PPARGC1B: variants seen among roughly 807,000 people sequenced by gnomAD.
The protein encoded by PPARGC1B is PPARG coactivator 1 beta, also known as peroxisome proliferator-activated receptor gamma coactivator 1-beta.
PPARGC1B carries 34 observed loss-of-function variants against 101.6 expected under a neutral mutation model. The observed-to-expected ratio is 0.33, with a 90% CI of 0.25 to 0.45. The LOEUF (loss-of-function observed/expected upper bound fraction) is 0.45. Among genes scored for constraint, PPARGC1B ranks in the 20% least tolerant of loss-of-function variants. The pLI is 1.00. For missense variants in PPARGC1B, 1,234 were observed against 1,317.6 expected (o/e 0.94, Z 0.98); for synonymous variants, 548 against 539.3 (o/e 1.02, Z -0.22).
Position 149,730,448 on chromosome 5 carries a change from G to T in PPARGC1B, c.78+28G>T. On this transcript the variant is annotated intron_variant, in intron 1 of 11. Transcript: ENST00000309241. This position sits in a 1 kb window ranked among gnomAD's most constrained non-coding sequence, Gnocchi z 4.0. ...ACGGCCGGCTGGGGCTGCGGGCCCG[G>T]GGCCAGGGGTGCTGAGCTGCGGGGG... 1 of 1,517,460 alleles carries T rather than the reference G, an allele frequency of 6.6e-7. No individual in the cohort carries two copies. The highest frequency in any genetic ancestry group is 1.2e-5 in the South Asian group (1 of 80,658). The allele number at this position is 1,517,460 out of a possible 1,614,324, so 94.0% of individuals were successfully genotyped here. A position where few individuals can be genotyped will look rare whatever the true frequency, so the allele number is the denominator to read the frequency against.
Position 149,837,651 on chromosome 5 carries a change from G to A in PPARGC1B, c.2618+578G>A, listed in dbSNP as rs565995847. ...TGATGCCTCATGAGCCCGCTTGCTCGTATCATCCTCGCTCGCTGAACCAGA... is the reference window on the plus strand; with the variant it reads ...TGATGCCTCATGAGCCCGCTTGCTCATATCATCCTCGCTCGCTGAACCAGA... On this transcript the variant is annotated intron_variant, in intron 8 of 11. Transcript: ENST00000309241. The surrounding 1 kb of genome is among the most constrained non-coding windows in gnomAD (Gnocchi z 4.2). Among the ~76,000 whole-genome samples the A allele has an allele frequency of 1.6e-4, 24 of 152,332 alleles. No individual in the cohort carries two copies. In the East Asian group the frequency reaches 1.9e-3, roughly 12 times the overall value.
chr5:149,812,617 C>T (rs952690787), intron 1 of PPARGC1B, among the ~76,000 whole-genome samples: 1 of 152,236 alleles, frequency 6.6e-6, no homozygotes, highest in African/African-American at 2.4e-5. Context: ...GAATCTATCT[C>T]TGTCTGTTTC....
chr5:149,846,424 A>T (rs954122275), intron 11 of PPARGC1B: 37 of 167,600 alleles, frequency 2.2e-4, no homozygotes, highest in African/African-American at 7.6e-4. Flanking sequence ...ACTTGAGCCC[A>T]GGAGTTCGAG....
chr5:149,748,821 A>G (rs1044858310), intron 1 of PPARGC1B, among the ~76,000 whole-genome samples: 1 of 152,232 alleles, frequency 6.6e-6, no homozygotes, highest in Admixed American at 6.5e-5. Flanking sequence ...AATGTCTGGA[A>G]GAATCCAAAG....
At chr5:149,777,897 C>T (rs111566814) in intron 1 of PPARGC1B, among the ~76,000 whole-genome samples, 1 of 95,714 alleles carries the variant, frequency 1.0e-5, no homozygotes, top group Non-Finnish European at 1.9e-5. Context: ...ACACAGAGTA[C>T]CCGGCTGCTC....
At chr5:149,793,162 C>A (rs1757085433) in intron 1 of PPARGC1B, among the ~76,000 whole-genome samples, 2 of 151,992 alleles carry the variant, frequency 1.3e-5, no homozygotes, top group South Asian at 4.1e-4. Flanking sequence ...GTGGACTTTC[C>A]CTCACACAGT....
chr5:149,736,318 AC>A, intron 1 of PPARGC1B, among the ~76,000 whole-genome samples: 1 of 152,202 alleles, frequency 6.6e-6, no homozygotes, highest in Admixed American at 6.5e-5. Flanking sequence ...TCTTTGAAGC[AC>A]TTTAGAAGGA....
intron 1 of PPARGC1B, among the ~76,000 whole-genome samples, chr5:149,766,300 CAG>C (rs772393083): frequency 6.2e-4 from 94 of 152,316 alleles, no homozygotes; most frequent in Admixed American, 7.8e-4. Context: ...GGATTAAAAA[CAG>C]AGTACCAGAC....
chr5:149,829,535 A>G (rs1758658920), intron 3 of PPARGC1B, among the ~76,000 whole-genome samples: 2 of 152,084 alleles, frequency 1.3e-5, no homozygotes, highest in African/African-American at 2.4e-5. Flanking sequence ...GTGCTGTACT[A>G]AAATCTCATG....
chr5:149,836,098 A>T (rs1759062014), intron 7 of PPARGC1B, among the ~76,000 whole-genome samples, 165 bp from the exon 8 acceptor site: 1 of 151,868 alleles, frequency 6.6e-6, no homozygotes, highest in South Asian at 2.1e-4. Context: ...CGTGTTGGCC[A>T]GGCTGGTCTC....
chr5:149,856,297 ACAT>A (rs1320229553), downstream of PPARGC1B, among the ~76,000 whole-genome samples: 1 of 152,202 alleles, frequency 6.6e-6, no homozygotes, highest in East Asian at 1.9e-4. Context: ...GCAAGGGAAC[ACAT>A]CATGATTTTT....
In PPARGC1B at chr5:149,730,906, C is replaced by G. The variant is rs968570540; in HGVS notation, c.78+486C>G. On this transcript the variant is annotated intron_variant, in intron 1 of 11. Coordinates refer to ENST00000309241, the MANE Select transcript of PPARGC1B (RefSeq NM_133263.4). The surrounding 1 kb of genome is among the most constrained non-coding windows in gnomAD (Gnocchi z 4.0). ...TAGTCCCCAGAGTGCTGTTGCTGGCCCCCCGCGGCTTTCTACCCGCGCCCG... is the reference window on the plus strand; with the variant it reads ...TAGTCCCCAGAGTGCTGTTGCTGGCGCCCCGCGGCTTTCTACCCGCGCCCG... 4.6e-5 allele frequency among the ~76,000 whole-genome samples: 7 copies of G among 152,208 alleles called. No individual in the cohort carries two copies. Among genetic ancestry groups the G allele is most frequent in the Non-Finnish European group, 8.8e-5 (6 of 68,034 alleles).
At chr5:149,778,699 C>T (rs544964439) in intron 1 of PPARGC1B, among the ~76,000 whole-genome samples, 6 of 152,314 alleles carry the variant, frequency 3.9e-5, no homozygotes, top group South Asian at 4.1e-4. Context: ...CAGCCCTTCA[C>T]GCCCCTTCCT....
chr5:149,762,155 GTTT>G (rs145066643), intron 1 of PPARGC1B, among the ~76,000 whole-genome samples: 4 of 133,710 alleles, frequency 3.0e-5, no homozygotes, highest in Non-Finnish European at 4.7e-5. Flanking sequence ...AATCCCATGG[GTTT>G]TTTTTTTTTT....
At chr5:149,798,311 T>C (rs1158631494) in intron 1 of PPARGC1B, among the ~76,000 whole-genome samples, 1 of 152,276 alleles carries the variant, frequency 6.6e-6, no homozygotes, top group Non-Finnish European at 1.5e-5. Context: ...AGCATTTGCA[T>C]TTCTAGTCTC....
chr5:149,732,088 C>T (rs187704734), intron 1 of PPARGC1B, among the ~76,000 whole-genome samples: 1 of 151,796 alleles, frequency 6.6e-6, no homozygotes, highest in Admixed American at 6.5e-5. Flanking sequence ...GCACACGCCG[C>T]GCGCGCCGGG....
At chr5:149,767,508 A>AAGCAGAGT (rs1755955990) in intron 1 of PPARGC1B, among the ~76,000 whole-genome samples, 1 of 152,188 alleles carries the variant, frequency 6.6e-6, no homozygotes. Context: ...GTCTCAGAGT[A>AAGCAGAGT]AGCAGAGTCA....
chr5:149,818,767 TG>T, intron 1 of PPARGC1B: 2 of 452,664 alleles, frequency 4.4e-6, no homozygotes, highest in Admixed American at 4.7e-5. Flanking sequence ...TATCATTATT[TG>T]TTATATTACT....
intron 1 of PPARGC1B, among the ~76,000 whole-genome samples, chr5:149,790,616 T>G (rs543312862): frequency 6.8e-4 from 104 of 152,154 alleles, no homozygotes; most frequent in African/African-American, 2.3e-3. Context: ...CATCTGGGAG[T>G]GTACAAGTGC....
Sources: gnomAD v4.1 joint callset for allele counts (sites outside exome capture counted in the v4.1 genomes callset) on GRCh38, gnomAD v4.1.1 for gene constraint, Gnocchi (gnomAD v3.1) non-coding constraint, MANE v1.5 for transcripts, NCBI Gene and HGNC (gene_info 2026-07-23, HGNC 2026-07-21) for gene names.